Variants in IPO11 observed in about 807,000 individuals in gnomAD.
IPO11 encodes the protein importin 11.
A neutral mutation model predicts 143.2 loss-of-function variants in IPO11; 66 were observed. The ratio of observed to expected loss-of-function variants is 0.46; its 90% CI spans 0.38 to 0.57. The LOEUF (loss-of-function observed/expected upper bound fraction) is 0.57. Ranked by LOEUF, IPO11 falls within the 20% of genes least tolerant of loss-of-function variation. The pLI, the probability that IPO11 is intolerant of heterozygous loss-of-function variation, is 0.00. For synonymous variants in IPO11, 385 were observed against 377.8 expected (o/e 1.02, Z -0.22); for missense variants, 1,026 against 1,141.0 (o/e 0.90, Z 1.45).
chr5:62,526,372 T>G, intron 21 of IPO11, 115 bp downstream of exon 21: 1 of 682,304 alleles, frequency 1.5e-6, no homozygotes, highest in Non-Finnish European at 2.5e-6. Flanking sequence ...ATGTAAACTC[T>G]GTTTCTTCAA....
intron 27 of IPO11, among the ~76,000 whole-genome samples, chr5:62,570,357 A>G (rs908009876): frequency 3.3e-5 from 5 of 152,138 alleles, no homozygotes; most frequent in East Asian, 1.9e-4. Context: ...AGGTGTTTCT[A>G]TCTTCCTATG....
chr5:62,518,713 A>G (rs1220896632), intron 20 of IPO11, among the ~76,000 whole-genome samples: 1 of 152,060 alleles, frequency 6.6e-6, no homozygotes, highest in African/African-American at 2.4e-5. Context: ...AAGTTTCTGT[A>G]TGTTTTTGTT....
At chr5:62,600,067 C>A (rs1580373393) in intron 28 of IPO11, among the ~76,000 whole-genome samples, 1 of 152,260 alleles carries the variant, frequency 6.6e-6, no homozygotes, top group South Asian at 2.1e-4. Flanking sequence ...GAGACAGAAT[C>A]TTGCTCTGTT....
chr5:62,503,729 A>T (rs1334711302), intron 16 of IPO11, among the ~76,000 whole-genome samples: 1 of 152,202 alleles, frequency 6.6e-6, no homozygotes, highest in Non-Finnish European at 1.5e-5. Context: ...TCTGCACTGT[A>T]GGCTCTTAGA....
rs138847991 is a variant in IPO11 at position 62,578,996 on chromosome 5, CTG to C, written c.2583-12579_2583-12578del. On this transcript the variant is annotated intron_variant, in intron 27 of 29. Transcript: ENST00000325324. The stretch of plus-strand genomic sequence containing the variant: ...ACATGAAAAATAGTTCTGTGAAAAA[CTG>C]TAATTTAGAATTTAATTGTTCTGTA... 1,139 of 238,078 alleles carry C rather than the reference CTG, an allele frequency of 4.8e-3. 16 individuals are homozygous for C. Among genetic ancestry groups the C allele is most frequent in the African/African-American group, 0.025 (1,068 of 42,806 alleles). The allele number at this position is 238,078 out of a possible 1,614,324, so 14.7% of individuals were successfully genotyped here. A position where few individuals can be genotyped will look rare whatever the true frequency, so the allele number is the denominator to read the frequency against.
intron 3 of IPO11, among the ~76,000 whole-genome samples, chr5:62,444,441 G>GT (rs913191688): frequency 3.9e-5 from 6 of 152,104 alleles, no homozygotes; most frequent in Non-Finnish European, 8.8e-5. Flanking sequence ...GAGAAATATG[G>GT]TAAGTAGTGA....
chr5:62,520,333 G>T (rs898377030), intron 20 of IPO11, among the ~76,000 whole-genome samples: 24 of 151,892 alleles, frequency 1.6e-4, no homozygotes, highest in Non-Finnish European at 2.9e-4. Flanking sequence ...CATTTCCTCA[G>T]TGATGTTTTG....
At chr5:62,565,708 CAGCCCATCATCT>C in intron 27 of IPO11, among the ~76,000 whole-genome samples, 1 of 152,014 alleles carries the variant, frequency 6.6e-6, no homozygotes, top group Non-Finnish European at 1.5e-5. Flanking sequence ...GTGTAGGTTT[CAGCCCATCATCT>C]GGGCTTTAAG....
chr5:62,442,107 G>C (rs775766221), intron 2 of IPO11, among the ~76,000 whole-genome samples: 2 of 152,154 alleles, frequency 1.3e-5, no homozygotes, highest in Non-Finnish European at 2.9e-5. Context: ...ACCTCCCAAA[G>C]TGCTGGGATT....
chr5:62,449,516 G>GTT (rs57729816), intron 3 of IPO11, among the ~76,000 whole-genome samples: 2 of 143,124 alleles, frequency 1.4e-5, no homozygotes, highest in Non-Finnish European at 3.1e-5. Flanking sequence ...TTTTAGCTGT[G>GTT]TTTTTTTTTT....
chr5:62,528,797 A>G (rs944885704), intron 21 of IPO11, among the ~76,000 whole-genome samples: 1 of 152,206 alleles, frequency 6.6e-6, no homozygotes, highest in African/African-American at 2.4e-5. Flanking sequence ...GAAGGTATAA[A>G]GTAGATATCT....
At position 62,560,966 on chromosome 5, in the gene IPO11, A is replaced by G. The variant is rs1028827213; in HGVS notation, c.2461-170A>G. On this transcript the variant is annotated intron_variant, in intron 26 of 29. Transcript: ENST00000325324. ...TTAGAGTCAGTTTCTGGTTTTGCTC[A>G]AATTATCCATTTCCAGCTCATGACT... 4.4e-5 allele frequency: 21 copies of G among 481,558 alleles called. No homozygotes were observed. The Admixed American group carries it at 5.2e-4, about 12-fold the overall frequency. 29.8% of individuals were successfully genotyped at this position (481,558 alleles called of 1,614,324 possible). A position where few individuals can be genotyped will look rare whatever the true frequency, so the allele number is the denominator to read the frequency against.
chr5:62,447,729 G>A (rs1045842664), intron 3 of IPO11, among the ~76,000 whole-genome samples: 2 of 151,934 alleles, frequency 1.3e-5, no homozygotes, highest in Non-Finnish European at 2.9e-5. Flanking sequence ...GGGACCACAG[G>A]TGCGTGCCAC....
In IPO11 at chr5:62,484,156, G is replaced by A; in HGVS notation, c.1168G>A (p.Gly390Ser). The change falls in exon 11 of 30, where the codon GGC (glycine) becomes AGC (serine). Residue 390 changes from glycine (G) to serine (S), a missense_variant. Gly to Ser is a moderately conservative substitution (Grantham distance 56, BLOSUM62 0). Coordinates refer to ENST00000325324, the MANE Select transcript of IPO11 (RefSeq NM_016338.5). Reference sequence around the variant, plus strand: ...GACAATGTGGGAAGAAGACCCAGAAGGCTTTAGTAAGAATTAATTTTTTAG... The same window carrying A: ...GACAATGTGGGAAGAAGACCCAGAAAGCTTTAGTAAGAATTAATTTTTTAG... ...ELTMWEEDPE[G>S]FTVEETGGDS... The A allele has an allele frequency of 6.3e-7, 1 of 1,587,272 alleles. No individual in the cohort carries two copies. Among genetic ancestry groups the A allele is most frequent in the Non-Finnish European group, 8.5e-7 (1 of 1,172,920 alleles).
intron 9 of IPO11, among the ~76,000 whole-genome samples, chr5:62,479,593 G>A (rs1236150481): frequency 6.6e-6 from 1 of 152,150 alleles, no homozygotes; most frequent in South Asian, 2.1e-4. Context: ...ATCCTCTCCA[G>A]CACCTGTTGT....
At chr5:62,487,642 T>TC (rs397811725) in intron 12 of IPO11, 129 bp from the exon 13 acceptor site, 1 of 1,038,054 alleles carries the variant, frequency 9.6e-7, no homozygotes, top group Non-Finnish European at 1.2e-6. Context: ...TTTTTTTTTT[T>TC]AACAAATCAA....
intron 19 of IPO11, among the ~76,000 whole-genome samples, chr5:62,509,783 T>A (rs1580262983): frequency 1.3e-5 from 2 of 152,240 alleles, no homozygotes; most frequent in African/African-American, 2.4e-5. Context: ...ATGTTCTTTA[T>A]CCATTCATCT....
chr5:62,443,835 A>G (rs1031269619), intron 3 of IPO11, among the ~76,000 whole-genome samples: 32 of 152,198 alleles, frequency 2.1e-4, no homozygotes, highest in African/African-American at 7.5e-4. Flanking sequence ...AATCAATGCA[A>G]AATCATTGTA....
chr5:62,569,022 C>T (rs985128121), intron 27 of IPO11, among the ~76,000 whole-genome samples: 1 of 152,120 alleles, frequency 6.6e-6, no homozygotes, highest in Admixed American at 6.5e-5. Context: ...TTGAGAATTC[C>T]TAGGGTTCCC....
Sources: allele counts gnomAD v4.1 joint callset (sites outside exome capture counted in the v4.1 genomes callset), GRCh38; gene constraint gnomAD v4.1.1; transcripts MANE v1.5; gene names NCBI Gene and HGNC (gene_info 2026-07-23, HGNC 2026-07-21).